Variants in PDCD10 observed in about 807,000 individuals in gnomAD.
PDCD10 encodes programmed cell death protein 10.
In PDCD10, 4 loss-of-function variants were observed where a neutral mutation model predicts 29.2. The observed-to-expected ratio is 0.14, with a 90% CI of 0.07 to 0.31. The LOEUF (loss-of-function observed/expected upper bound fraction) is 0.31. Ranked by LOEUF, PDCD10 falls within the 10% of genes least tolerant of loss-of-function variation. PDCD10 has a pLI of 1.00. For synonymous variants in PDCD10, 70 were observed against 82.2 expected (o/e 0.85, Z 0.80); for missense variants, 183 against 257.9 (o/e 0.71, Z 1.99).
In PDCD10 at chr3:167,687,668, G is replaced by T; in HGVS notation, c.421C>A (p.Leu141Ile). The change falls in exon 7 of 9, where the codon CTT becomes ATT. Residue 141 changes from leucine to isoleucine, a missense_variant. By Grantham distance (5) the Leu-to-Ile change is conservative. Coordinates refer to ENST00000392750, the MANE Select transcript of PDCD10 (RefSeq NM_007217.4). Reference sequence around the variant, plus strand: ...AAGACATTATTCACTGTATCAAGAAGTTCTTTTATTGCACTAGCTATATCC... The same window carrying T: ...AAGACATTATTCACTGTATCAAGAATTTCTTTTATTGCACTAGCTATATCC... Reference protein sequence around the residue: ...IKDIASAIKELLDTVNNVFKK... With the variant: ...IKDIASAIKEILDTVNNVFKK... The T allele has an allele frequency of 6.3e-7, 1 of 1,586,884 alleles. No individual in the cohort carries two copies. Among genetic ancestry groups the T allele is most frequent in the Non-Finnish European group, 8.7e-7 (1 of 1,155,480 alleles).
intron 2 of PDCD10, among the ~76,000 whole-genome samples, chr3:167,732,487 A>G (rs1408431999): frequency 1.3e-5 from 2 of 152,226 alleles, no homozygotes; most frequent in African/African-American, 2.4e-5. Context: ...ACTCCTAATT[A>G]TCCAACGTGC....
chr3:167,704,713 A>G, intron 4 of PDCD10, 129 bp downstream of exon 4: 1 of 685,644 alleles, frequency 1.5e-6, no homozygotes, highest in South Asian at 1.6e-5. Flanking sequence ...TTTATGGAAT[A>G]TAGTAAAACA....
At chr3:167,690,243 C>A (rs1720079397) in intron 6 of PDCD10, among the ~76,000 whole-genome samples, 1 of 152,200 alleles carries the variant, frequency 6.6e-6, no homozygotes, top group South Asian at 2.1e-4. Context: ...CGTAAACATA[C>A]ATCTTATCAA....
intron 2 of PDCD10, chr3:167,731,068 C>T (rs183349166): frequency 1.3e-4 from 20 of 152,146 alleles, no homozygotes; most frequent in African/African-American, 4.6e-4. Flanking sequence ...GGTTCCAGTA[C>T]CAACGTTCTG....
chr3:167,706,863 C>T (rs1722026322), intron 3 of PDCD10, among the ~76,000 whole-genome samples: 1 of 152,188 alleles, frequency 6.6e-6, no homozygotes, highest in Non-Finnish European at 1.5e-5. Flanking sequence ...TTTATAATTT[C>T]AGCCTGTACT....
intron 2 of PDCD10, among the ~76,000 whole-genome samples, chr3:167,732,939 C>T (rs1724968993): frequency 6.6e-6 from 1 of 152,222 alleles, no homozygotes; most frequent in Non-Finnish European, 1.5e-5. Flanking sequence ...TTAACTGGGT[C>T]TTCCTTGTCT....
In PDCD10 at chr3:167,712,098, C is replaced by A. The variant is rs552440993; in HGVS notation, c.97-7203G>T. 5.9e-5 allele frequency among the ~76,000 whole-genome samples: 9 copies of A among 152,180 alleles called. No homozygotes were observed. The South Asian group carries it at 1.4e-3, about 25-fold the overall frequency. Reference sequence around the variant, plus strand: ...AAACTCACTGGTAATAGTAAATACACAGAAACACACAGAATATTATAATAC... The same window carrying A: ...AAACTCACTGGTAATAGTAAATACAAAGAAACACACAGAATATTATAATAC... On this transcript the variant is annotated intron_variant, in intron 3 of 8. Coordinates refer to ENST00000392750, the MANE Select transcript of PDCD10 (RefSeq NM_007217.4).
At chr3:167,732,493 C>A (rs1339005528) in intron 2 of PDCD10, among the ~76,000 whole-genome samples, 1 of 152,154 alleles carries the variant, frequency 6.6e-6, no homozygotes, top group African/African-American at 2.4e-5. Flanking sequence ...AATTATCCAA[C>A]GTGCAGAGAT....
chr3:167,730,108 C>T (rs1430981207), intron 2 of PDCD10, among the ~76,000 whole-genome samples: 1 of 151,902 alleles, frequency 6.6e-6, no homozygotes, highest in East Asian at 1.9e-4. Context: ...TTGAAATTAC[C>T]ATCTTCATAC....
chr3:167,716,509 A>G (rs890802649), intron 3 of PDCD10, among the ~76,000 whole-genome samples: 17 of 151,978 alleles, frequency 1.1e-4, no homozygotes, highest in African/African-American at 4.1e-4. Context: ...GTTTCAAAGT[A>G]TCTCACGTAC....
chr3:167,722,540 G>A (rs1723681772), intron 2 of PDCD10, among the ~76,000 whole-genome samples: 1 of 152,170 alleles, frequency 6.6e-6, no homozygotes, highest in African/African-American at 2.4e-5. Flanking sequence ...TTGATTTCTT[G>A]ATGAGGTTAA....
chr3:167,718,284 C>T (rs1723212656), intron 3 of PDCD10, among the ~76,000 whole-genome samples: 1 of 152,072 alleles, frequency 6.6e-6, no homozygotes, highest in Non-Finnish European at 1.5e-5. Flanking sequence ...CCTCTAGACC[C>T]TAACAGAAGT....
intron 4 of PDCD10, among the ~76,000 whole-genome samples, chr3:167,698,219 A>G (rs1721007082): frequency 6.6e-6 from 1 of 152,206 alleles, no homozygotes; most frequent in Non-Finnish European, 1.5e-5. Context: ...AAATACACGC[A>G]TTTATTCCAA....
At chr3:167,689,998 G>C (rs1720043722) in intron 6 of PDCD10, among the ~76,000 whole-genome samples, 1 of 152,120 alleles carries the variant, frequency 6.6e-6, no homozygotes, top group Admixed American at 6.5e-5. Flanking sequence ...TTTCCTACGA[G>C]AGAAAATACC....
chr3:167,701,045 T>C (rs1409944026), intron 4 of PDCD10, among the ~76,000 whole-genome samples: 2 of 152,162 alleles, frequency 1.3e-5, no homozygotes, highest in Non-Finnish European at 2.9e-5. Context: ...ACTGTCCTTA[T>C]TTATAATGCT....
intron 6 of PDCD10, among the ~76,000 whole-genome samples, chr3:167,689,015 T>C (rs971311348): frequency 1.1e-4 from 16 of 152,308 alleles, no homozygotes; most frequent in Non-Finnish European, 2.1e-4. Context: ...TCCATTTTCA[T>C]TGATTATTTC....
chr3:167,704,636 G>C (rs1721786610), intron 4 of PDCD10: 1 of 483,652 alleles, frequency 2.1e-6, no homozygotes, highest in African/African-American at 2.0e-5. Flanking sequence ...AAAGCACAAA[G>C]TGATGAAAAG....
Position 167,704,907 on chromosome 3 carries a change from A to T in PDCD10, c.97-12T>A, listed in dbSNP as rs747757518. ...TTTACTCGTTCTAGCTGCAATAAAAATTTTAAATTATTATGAATATCAACT... is the reference window on the plus strand; with the variant it reads ...TTTACTCGTTCTAGCTGCAATAAAATTTTTAAATTATTATGAATATCAACT... On this transcript the variant is annotated splice_polypyrimidine_tract_variant and intron_variant, in intron 3 of 8. Coordinates refer to ENST00000392750, the MANE Select transcript of PDCD10 (RefSeq NM_007217.4). 1.1e-5 allele frequency: 17 copies of T among 1,569,736 alleles called. No homozygotes were observed. The highest frequency in any genetic ancestry group is 2.3e-5 in the East Asian group (1 of 44,174).
At chr3:167,708,872 C>T (rs6784267) in intron 3 of PDCD10, among the ~76,000 whole-genome samples, 86,862 of 152,026 alleles carry the variant, frequency 0.57, 27,542 homozygotes, top group African/African-American at 0.86. Flanking sequence ...ACTTACTATA[C>T]AACTAGTACT....
Sources: gnomAD v4.1 joint callset for allele counts (sites outside exome capture counted in the v4.1 genomes callset) on GRCh38, gnomAD v4.1.1 for gene constraint, MANE v1.5 for transcripts, NCBI Gene and HGNC (gene_info 2026-07-23, HGNC 2026-07-21) for gene names.